Variants in GNG12 observed in about 807,000 individuals in gnomAD.
GNG12 encodes the protein guanine nucleotide-binding protein G(I)/G(S)/G(O) subunit gamma-12.
For synonymous variants in GNG12, 28 were observed against 29.7 expected (o/e 0.94, Z 0.19); for missense variants, 69 against 83.8 (o/e 0.82, Z 0.69).
At chr1:67,789,706 A>G (rs1401824133) in intron 1 of GNG12, among the ~76,000 whole-genome samples, 4 of 152,220 alleles carry the variant, frequency 2.6e-5, no homozygotes, top group African/African-American at 7.2e-5. Context: ...AGCCAAGGGC[A>G]CTGCCCTGAG....
chr1:67,759,162 T>A (rs1388157802), intron 2 of GNG12, among the ~76,000 whole-genome samples: 1 of 152,190 alleles, frequency 6.6e-6, no homozygotes, highest in Non-Finnish European at 1.5e-5. Context: ...ACAACTATTA[T>A]ACAACAATAA....
intron 2 of GNG12, among the ~76,000 whole-genome samples, chr1:67,744,854 C>T (rs1354581440): frequency 6.6e-6 from 1 of 152,180 alleles, no homozygotes; most frequent in Non-Finnish European, 1.5e-5. Context: ...AGCACATCTC[C>T]TAAGAGAGAA....
intron 1 of GNG12, among the ~76,000 whole-genome samples, chr1:67,822,046 C>T (rs1344859340): frequency 1.3e-5 from 2 of 148,306 alleles, no homozygotes; most frequent in African/African-American, 2.5e-5. Context: ...ACAAAATACA[C>T]TAACGATAGC....
chr1:67,736,880 A>T (rs916481435), intron 2 of GNG12, among the ~76,000 whole-genome samples: 19 of 152,206 alleles, frequency 1.2e-4, no homozygotes, highest in African/African-American at 4.6e-4. Context: ...CATTTGTGCA[A>T]GCACCAAATG....
intron 1 of GNG12, among the ~76,000 whole-genome samples, chr1:67,805,998 T>C (rs1351420994): frequency 1.3e-5 from 2 of 150,786 alleles, no homozygotes; most frequent in Non-Finnish European, 3.0e-5. Flanking sequence ...TCATATAAAG[T>C]ATTGAGAGAA....
chr1:67,829,295 G>A (rs1458030225), intron 1 of GNG12, among the ~76,000 whole-genome samples: 1 of 152,072 alleles, frequency 6.6e-6, no homozygotes, highest in Non-Finnish European at 1.5e-5. Flanking sequence ...ATTTTTTAAA[G>A]TCTCTAATAA....
At chr1:67,794,911 TTTC>T (rs1646821674) in intron 1 of GNG12, among the ~76,000 whole-genome samples, 2 of 152,206 alleles carry the variant, frequency 1.3e-5, no homozygotes, top group Non-Finnish European at 2.9e-5. Flanking sequence ...CAACCCATTT[TTTC>T]TTTTTTTCTA....
intron 1 of GNG12, among the ~76,000 whole-genome samples, chr1:67,819,883 T>A (rs1223132850): frequency 6.6e-6 from 1 of 152,162 alleles, no homozygotes; most frequent in Non-Finnish European, 1.5e-5. Context: ...AGCTCTCAGC[T>A]CAAATGTCCC....
chr1:67,790,529 C>T (rs959249635), intron 1 of GNG12, among the ~76,000 whole-genome samples: 1 of 152,138 alleles, frequency 6.6e-6, no homozygotes, highest in Non-Finnish European at 1.5e-5. Flanking sequence ...TTCCTCAGAT[C>T]CCCTGTTGGT....
chr1:67,809,921 T>C (rs562747038), intron 1 of GNG12, among the ~76,000 whole-genome samples: 12 of 152,362 alleles, frequency 7.9e-5, no homozygotes, highest in Non-Finnish European at 1.8e-4. Flanking sequence ...CGTACAACTT[T>C]ATATTTACCA....
At position 67,766,148 on chromosome 1, in the gene GNG12, A is replaced by C. The variant is rs74080882; in HGVS notation, c.-27+11310T>G. On this transcript the variant is annotated intron_variant, in intron 2 of 3. Coordinates refer to ENST00000370982, the MANE Select transcript of GNG12 (RefSeq NM_018841.6). ...CACACACACACACACACACACACAC[A>C]CCCCTAAACAATGCCCTCATAGACA... Among the ~76,000 whole-genome samples the C allele has an allele frequency of 5.7e-3, 759 of 133,756 alleles. 3 individuals are homozygous for C. Among genetic ancestry groups the C allele is most frequent in the East Asian group, 9.1e-3 (43 of 4,736 alleles). The allele number at this position is 133,756 out of a possible 152,430, so 87.7% of individuals were successfully genotyped here.
intron 2 of GNG12, among the ~76,000 whole-genome samples, chr1:67,771,037 C>A (rs1015413362): frequency 1.5e-4 from 23 of 152,096 alleles, no homozygotes; most frequent in Non-Finnish European, 3.2e-4. Context: ...GAGAGGCAGG[C>A]TGACTTCAAG....
intron 2 of GNG12, among the ~76,000 whole-genome samples, chr1:67,732,682 T>A (rs943098163): frequency 9.9e-5 from 15 of 152,168 alleles, no homozygotes; most frequent in African/African-American, 3.6e-4. Flanking sequence ...CCTCATCACT[T>A]TGTCTGGCTA....
intron 2 of GNG12, among the ~76,000 whole-genome samples, chr1:67,731,460 G>C (rs1409301554): frequency 6.6e-6 from 1 of 152,202 alleles, no homozygotes; most frequent in Non-Finnish European, 1.5e-5. Flanking sequence ...TTTGGCTGGG[G>C]GAAACTCCAG....
intron 1 of GNG12, among the ~76,000 whole-genome samples, chr1:67,791,148 G>A (rs1646800067): frequency 6.7e-6 from 1 of 148,550 alleles, no homozygotes; most frequent in African/African-American, 2.5e-5. Flanking sequence ...CTGTGAACAT[G>A]TATCTCCTAA....
At chr1:67,772,433 C>T (rs1039721654) in intron 2 of GNG12, among the ~76,000 whole-genome samples, 2 of 152,182 alleles carry the variant, frequency 1.3e-5, no homozygotes, top group Non-Finnish European at 2.9e-5. Context: ...TCCAACCTTT[C>T]AAGTTTAATA....
At chr1:67,829,343 G>T (rs1007882010) in intron 1 of GNG12, among the ~76,000 whole-genome samples, 12 of 152,220 alleles carry the variant, frequency 7.9e-5, no homozygotes, top group Middle Eastern at 3.4e-3. Flanking sequence ...GAATTAACTT[G>T]TTTAACAAAT....
At chr1:67,804,019 G>A (rs1019075789) in intron 1 of GNG12, among the ~76,000 whole-genome samples, 1 of 152,166 alleles carries the variant, frequency 6.6e-6, no homozygotes, top group African/African-American at 2.4e-5. Context: ...GGCTGGCTTT[G>A]GCAAACAAGA....
intron 1 of GNG12, among the ~76,000 whole-genome samples, chr1:67,797,330 T>C (rs1646837697): frequency 6.6e-6 from 1 of 152,120 alleles, no homozygotes; most frequent in Admixed American, 6.5e-5. Context: ...AAGATACAGG[T>C]TCTTGAAAGG....
Sources: gnomAD v4.1 joint callset for allele counts (sites outside exome capture counted in the v4.1 genomes callset) on GRCh38, gnomAD v4.1.1 for gene constraint, MANE v1.5 for transcripts, NCBI Gene and HGNC (gene_info 2026-07-23, HGNC 2026-07-21) for gene names.